The following RYR3 variants were observed in gnomAD, a reference collection of about 807,000 sequenced individuals.
RYR3 encodes brain ryanodine receptor-calcium release channel.
In RYR3, 207 loss-of-function variants were observed where a neutral mutation model predicts 584.3. That is an observed-to-expected ratio of 0.35 (90% CI 0.32 to 0.40). The LOEUF (loss-of-function observed/expected upper bound fraction) is 0.40. Among genes scored for constraint, RYR3 ranks in the 10% least tolerant of loss-of-function variants. RYR3 has a pLI of 1.00. For missense variants in RYR3, 5,616 were observed against 6,089.2 expected (o/e 0.92, Z 2.59); for synonymous variants, 2,416 against 2,248.5 (o/e 1.07, Z -2.11).
chr15:33,578,987 T>C (rs2058458498), intron 12 of RYR3, among the ~76,000 whole-genome samples: 1 of 152,134 alleles, frequency 6.6e-6, no homozygotes, highest in African/African-American at 2.4e-5. Context: ...TTGTATTCTC[T>C]CTGTGTTGAA....
chr15:33,776,281 A>C, intron 64 of RYR3, among the ~76,000 whole-genome samples: 1 of 152,336 alleles, frequency 6.6e-6, no homozygotes, highest in East Asian at 1.9e-4. Context: ...AGACAACAAC[A>C]CTGAGAATGT....
intron 38 of RYR3, among the ~76,000 whole-genome samples, chr15:33,681,658 C>A (rs1024916741): frequency 7.2e-5 from 11 of 152,224 alleles, no homozygotes; most frequent in African/African-American, 2.4e-4. Context: ...ACTTTTCAAT[C>A]ACTTAGAATT....
intron 87 of RYR3, among the ~76,000 whole-genome samples, chr15:33,836,471 TAATC>T (rs1305104959): frequency 1.3e-5 from 2 of 149,308 alleles, no homozygotes; most frequent in Non-Finnish European, 2.9e-5. Flanking sequence ...GACTCTAAAT[TAATC>T]CAGAAAGAAA....
chr15:33,487,113 G>T (rs1263380259), intron 2 of RYR3, among the ~76,000 whole-genome samples: 1 of 152,006 alleles, frequency 6.6e-6, no homozygotes, highest in African/African-American at 2.4e-5. Context: ...CATGAGAATG[G>T]CTTGAACCCA....
intron 14 of RYR3, among the ~76,000 whole-genome samples, chr15:33,582,729 C>T (rs1567592358): frequency 6.6e-6 from 1 of 152,116 alleles, no homozygotes; most frequent in Non-Finnish European, 1.5e-5. Context: ...AACTCCAGGA[C>T]TCTTATGCTT....
At chr15:33,813,436 A>C in intron 73 of RYR3, 31 bp from the exon 74 acceptor site, 1 of 1,574,050 alleles carries the variant, frequency 6.4e-7, no homozygotes, top group Non-Finnish European at 8.7e-7. Context: ...GATCAGCCTA[A>C]TGTGCACCAA....
intron 3 of RYR3, among the ~76,000 whole-genome samples, chr15:33,506,641 A>G (rs968114485): frequency 3.9e-5 from 6 of 152,186 alleles, no homozygotes; most frequent in African/African-American, 1.4e-4. Context: ...AAGTCATATT[A>G]CTTTACTGTG....
chr15:33,657,355 G>T (rs116778993), intron 32 of RYR3, among the ~76,000 whole-genome samples: 388 of 152,266 alleles, frequency 2.5e-3, no homozygotes, highest in African/African-American at 8.9e-3. Flanking sequence ...GGTGTGATTC[G>T]ACTGAATGCA....
At chr15:33,634,484 G>A (rs2061411861) in intron 24 of RYR3, 102 bp from the exon 25 acceptor site, 1 of 1,188,618 alleles carries the variant, frequency 8.4e-7, no homozygotes. Context: ...TAGACCTAGA[G>A]CGACCAGAAA....
At chr15:33,561,943 G>A (rs1400100453) in intron 10 of RYR3, among the ~76,000 whole-genome samples, 1 of 151,882 alleles carries the variant, frequency 6.6e-6, no homozygotes, top group Non-Finnish European at 1.5e-5. Context: ...TTGCAAATAG[G>A]CAACAGCCGT....
intron 1 of RYR3, among the ~76,000 whole-genome samples, chr15:33,367,721 G>C (rs17235968): frequency 0.12 from 18,140 of 152,182 alleles, 1,277 homozygotes; most frequent in African/African-American, 0.18. Context: ...AGCATAGTGT[G>C]ACTACAAATT....
Position 33,738,586 on chromosome 15 carries a change from A to T in RYR3, c.7652A>T (p.His2551Leu). 6.2e-7 allele frequency: 1 copy of T among 1,613,970 alleles called. No homozygotes were observed. Among genetic ancestry groups the T allele is most frequent in the East Asian group, 2.2e-5 (1 of 44,892 alleles). ...LFWGIFDSLS[H>L]KKYDPDLFRM... is the part of the protein sequence containing the mutation. ...TGGGGGATTTTTGACTCGCTCTCCCATAAGGTAATGACAGTACTTTCTGAA... is the reference window on the plus strand; with the variant it reads ...TGGGGGATTTTTGACTCGCTCTCCCTTAAGGTAATGACAGTACTTTCTGAA... The change falls in exon 50 of 104, where the codon CAT becomes CTT. Residue 2551 changes from histidine (H) to leucine (L), a missense_variant. Physicochemically the swap from His to Leu is moderately conservative, Grantham distance 99. Coordinates refer to ENST00000634891, the MANE Select transcript of RYR3 (RefSeq NM_001036.6).
chr15:33,468,140 G>A lies in RYR3; in HGVS notation c.52-5279G>A, dbSNP rs143501614. ...TTACAAGCTGTGTGGCACTGGGCAA[G>A]TGACTTAACCTTTCTGTGCCTCAAC... is the stretch of plus-strand genomic sequence containing the variant. On this transcript the variant is annotated intron_variant, in intron 1 of 103. Coordinates refer to ENST00000634891, the MANE Select transcript of RYR3 (RefSeq NM_001036.6). 2.5e-4 allele frequency among the ~76,000 whole-genome samples: 38 copies of A among 152,314 alleles called. No individual in the cohort carries two copies. In the East Asian group the frequency reaches 3.3e-3, roughly 13 times the overall value.
chr15:33,584,934 C>T (rs930288109), intron 15 of RYR3, among the ~76,000 whole-genome samples: 11 of 151,870 alleles, frequency 7.2e-5, no homozygotes, highest in African/African-American at 2.7e-4. Flanking sequence ...AAAAATGATC[C>T]CCACTCACCC....
At chr15:33,625,833 C>T (rs189270122) in intron 20 of RYR3, among the ~76,000 whole-genome samples, 3 of 152,278 alleles carry the variant, frequency 2.0e-5, no homozygotes, top group Admixed American at 6.5e-5. Flanking sequence ...AAGTCAATCT[C>T]CCCTGGGAAA....
chr15:33,656,289 G>A (rs1290999487), intron 32 of RYR3, among the ~76,000 whole-genome samples: 1 of 152,250 alleles, frequency 6.6e-6, no homozygotes, highest in African/African-American at 2.4e-5. Flanking sequence ...TACCACGGCA[G>A]TGCTAAATCT....
chr15:33,542,083 C>T lies in RYR3; in HGVS notation c.646+1193C>T, dbSNP rs2055866879. 2.0e-5 allele frequency among the ~76,000 whole-genome samples: 3 copies of T among 152,188 alleles called. No individual in the cohort carries two copies. In the South Asian group the frequency reaches 6.2e-4, roughly 32 times the overall value. On this transcript the variant is annotated intron_variant, in intron 7 of 103. Coordinates refer to ENST00000634891, the MANE Select transcript of RYR3 (RefSeq NM_001036.6). ...AAGGTCCTTATAGAAGTGTTGAGTG[C>T]CGTTGTAATATAGTCTGGATAACTC... is the stretch of plus-strand genomic sequence containing the variant.
chr15:33,626,775 GC>G (rs1279843824), intron 20 of RYR3, among the ~76,000 whole-genome samples: 2 of 152,182 alleles, frequency 1.3e-5, no homozygotes, highest in Non-Finnish European at 1.5e-5. Context: ...GAGGGTGCAA[GC>G]CCCAGGCCTT....
In RYR3 at chr15:33,315,274, G is replaced by A. The variant is rs533767706; in HGVS notation, c.51+4178G>A. On this transcript the variant is annotated intron_variant, in intron 1 of 103. Coordinates refer to ENST00000634891, the MANE Select transcript of RYR3 (RefSeq NM_001036.6). Reference sequence around the variant, plus strand: ...AATGACAGTGAACTTGTACCTGGTGGTTTATGGATGCCTGCTTTCTTCTCT... The same window carrying A: ...AATGACAGTGAACTTGTACCTGGTGATTTATGGATGCCTGCTTTCTTCTCT... Among the ~76,000 whole-genome samples the A allele has an allele frequency of 2.6e-5, 4 of 152,306 alleles. No homozygotes were observed. In the South Asian group the frequency reaches 8.3e-4, roughly 32 times the overall value.
Sources: allele counts gnomAD v4.1 joint callset (sites outside exome capture counted in the v4.1 genomes callset), GRCh38; gene constraint gnomAD v4.1.1; transcripts MANE v1.5; gene names NCBI Gene and HGNC (gene_info 2026-07-23, HGNC 2026-07-21).